The following CASK variants were observed in gnomAD, a reference collection of about 807,000 sequenced individuals.
CASK encodes the protein calcium/calmodulin dependent serine protein kinase, also known as peripheral plasma membrane protein CASK.
A neutral mutation model predicts 82.9 loss-of-function variants in CASK; 4 were observed. The observed-to-expected ratio is 0.05, with a 90% CI of 0.02 to 0.11. The LOEUF (loss-of-function observed/expected upper bound fraction) is 0.11, where lower values mean the gene tolerates loss of function less well. Among genes scored for constraint, CASK ranks in the 10% least tolerant of loss-of-function variants. CASK has a pLI of 1.00. For missense variants in CASK, 358 were observed against 720.9 expected, an observed-to-expected ratio of 0.50 and a Z score of 5.76; for synonymous variants, 259 against 253.5, an observed-to-expected ratio of 1.02 and a Z score of -0.20.
At chrX:41,696,485 C>A in intron 5 of CASK, 4 of 1,208,009 alleles carry the variant, frequency 3.3e-6, no homozygotes, top group Non-Finnish European at 4.5e-6. Context: ...CCTATCATGC[C>A]TTTCGATTCA....
At chrX:41,897,492 G>A (rs1055465495) in intron 1 of CASK, among the ~76,000 whole-genome samples, 1 of 110,971 alleles carries the variant, frequency 9.0e-6, no homozygotes, top group Non-Finnish European at 1.9e-5. Context: ...CATTCATGCT[G>A]TCAGAAATTT....
chrX:41,698,156 A>G (rs1439901305), intron 5 of CASK: 1 of 112,161 alleles, frequency 8.9e-6, no homozygotes, highest in Non-Finnish European at 1.9e-5. Context: ...GATACAAAAC[A>G]TGTATGATAA....
intron 15 of CASK, among the ~76,000 whole-genome samples, chrX:41,573,159 C>G (rs1231091327): frequency 1.9e-5 from 2 of 103,678 alleles, no homozygotes; most frequent in African/African-American, 7.1e-5. Flanking sequence ...TCACTCCAAC[C>G]TCCACCTACC....
chrX:41,919,362 C>T (rs2072746324), intron 1 of CASK: 1 of 112,155 alleles, frequency 8.9e-6, no homozygotes, highest in Admixed American at 9.5e-5. Context: ...TCTGAAGCTA[C>T]AGGCTACTAA....
Position 41,852,302 on chromosome X carries a change from T to C in CASK, c.172+813A>G, listed in dbSNP as rs769872220. Among the ~76,000 whole-genome samples, 4 of 111,629 alleles carry C rather than the reference T, an allele frequency of 3.6e-5. No individual in the cohort carries two copies. In the South Asian group the frequency reaches 1.5e-3, roughly 42 times the overall value. On this transcript the variant is annotated intron_variant, in intron 2 of 26. Transcript: ENST00000378163. ...AAAATATAAATAGGCTACACTGCCC[T>C]AGATTTTCCAATCTAAATTATCAAC...
chrX:41,895,997 T>C (rs1443991159), intron 1 of CASK, among the ~76,000 whole-genome samples: 1 of 111,721 alleles, frequency 9.0e-6, no homozygotes, highest in Non-Finnish European at 1.9e-5. Flanking sequence ...CTTAAGTTAC[T>C]CTCTGGAGAG....
In CASK at chrX:41,869,855, A is replaced by G. The variant is rs181048838; in HGVS notation, c.60-16628T>C. Among the ~76,000 whole-genome samples, 315 of 103,889 alleles carry G rather than the reference A, an allele frequency of 3.0e-3. 3 individuals carry two copies. The highest frequency in any genetic ancestry group is 0.01 in the African/African-American group (296 of 28,336). The allele number at this position is 103,889 out of a possible 115,157, so 90.2% of individuals were successfully genotyped here. ...AAAAAAAGCCAAAATTTAAAACTCA[A>G]TGGATGGGTTTCAGAGGAACTGAAA... On this transcript the variant is annotated intron_variant, in intron 1 of 26. Coordinates refer to ENST00000378163, the MANE Select transcript of CASK (RefSeq NM_001367721.1).
Position 41,711,070 on chromosome X carries a change from G to T in CASK, c.429+28314C>A, listed in dbSNP as rs1017455585. 1.1e-3 allele frequency among the ~76,000 whole-genome samples: 118 copies of T among 111,893 alleles called. 1 individual carries two copies. Among genetic ancestry groups the T allele is most frequent in the Non-Finnish European group, 3.4e-4 (18 of 53,178 alleles). On this transcript the variant is annotated intron_variant, in intron 5 of 26. Coordinates refer to ENST00000378163, the MANE Select transcript of CASK (RefSeq NM_001367721.1). Reference sequence around the variant, plus strand: ...CTAGCAAATTAATTGGGCCCAAAGAGGGAGCCGTGGGATCCCTGATTTATA... The same window carrying T: ...CTAGCAAATTAATTGGGCCCAAAGATGGAGCCGTGGGATCCCTGATTTATA...
At chrX:41,845,386 T>C (rs1310338681) in intron 2 of CASK, among the ~76,000 whole-genome samples, 1 of 112,222 alleles carries the variant, frequency 8.9e-6, no homozygotes, top group Non-Finnish European at 1.9e-5. Flanking sequence ...TATGTGTTTA[T>C]AATTGCTAAA....
intron 14 of CASK, chrX:41,584,487 G>A (rs1282380496): frequency 9.1e-6 from 1 of 110,237 alleles, no homozygotes; most frequent in Non-Finnish European, 1.9e-5. Context: ...GGGTGGGGGT[G>A]GGGGATAGAG....
intron 2 of CASK, among the ~76,000 whole-genome samples, chrX:41,817,828 C>T (rs1006476383): frequency 1.8e-5 from 2 of 110,544 alleles, no homozygotes; most frequent in African/African-American, 3.3e-5. Context: ...TCTTACAAAA[C>T]GTTGAAAAAA....
At chrX:41,686,618 A>G (rs1466788537) in intron 5 of CASK, among the ~76,000 whole-genome samples, 3 of 111,266 alleles carry the variant, frequency 2.7e-5, no homozygotes, top group Non-Finnish European at 5.6e-5. Flanking sequence ...CCACTGGACT[A>G]AGGAAATATA....
rs2069489160 is a variant in CASK at position 41,782,056 on chromosome X, T to A, written c.278+5122A>T. Among the ~76,000 whole-genome samples the A allele has an allele frequency of 2.7e-5, 3 of 111,744 alleles. No homozygotes were observed. In the South Asian group the frequency reaches 1.1e-3, roughly 42 times the overall value. On this transcript the variant is annotated intron_variant, in intron 3 of 26. Coordinates refer to ENST00000378163, the MANE Select transcript of CASK (RefSeq NM_001367721.1). ...ATGACATGATATTAAGGAATTATTG[T>A]TGATTTTGTTAGGTATAATAATAAT...
chrX:41,739,601 G>A (rs1289653659), intron 4 of CASK, 145 bp from the exon 5 acceptor site: 3 of 434,665 alleles, frequency 6.9e-6, no homozygotes, highest in Non-Finnish European at 1.2e-5. Context: ...GGTGTAAAGT[G>A]AGGCTTAATA....
intron 3 of CASK, among the ~76,000 whole-genome samples, chrX:41,781,478 A>T (rs748262063): frequency 1.5e-4 from 17 of 112,083 alleles, no homozygotes; most frequent in Non-Finnish European, 2.6e-4. Flanking sequence ...AAACTAACTG[A>T]CCTAATTTTA....
intron 1 of CASK, among the ~76,000 whole-genome samples, chrX:41,855,212 A>C (rs1195267523): frequency 8.9e-6 from 1 of 111,808 alleles, no homozygotes; most frequent in Non-Finnish European, 1.9e-5. Flanking sequence ...ATACTTAGAC[A>C]ACAAAACACA....
At chrX:41,682,055 T>TAAAAAAA (rs35914567) in intron 5 of CASK, among the ~76,000 whole-genome samples, 2 of 67,809 alleles carry the variant, frequency 2.9e-5, no homozygotes, top group Non-Finnish European at 5.4e-5. Context: ...AGGACCATTG[T>TAAAAAAA]AAAAAAAAAA....
chrX:41,703,348 CCT>C (rs1465631506), intron 5 of CASK, among the ~76,000 whole-genome samples: 2 of 112,212 alleles, frequency 1.8e-5, no homozygotes, highest in African/African-American at 6.5e-5. Flanking sequence ...CCTGAGGAAA[CCT>C]CTTTCCTGAA....
chrX:41,589,745 T>C (rs752412952), intron 12 of CASK, 153 bp from the exon 13 acceptor site: 3 of 462,295 alleles, frequency 6.5e-6, no homozygotes, highest in East Asian at 3.8e-5. Context: ...CTCTGAATTG[T>C]TCTGTGAAAC....
Sources: gnomAD v4.1 joint callset for allele counts (sites outside exome capture counted in the v4.1 genomes callset) on GRCh38, gnomAD v4.1.1 for gene constraint, MANE v1.5 for transcripts, NCBI Gene and HGNC (gene_info 2026-07-23, HGNC 2026-07-21) for gene names.